The following LRRC4C variants were observed in gnomAD, a reference collection of about 807,000 sequenced individuals.
LRRC4C encodes the protein leucine rich repeat containing 4C.
Under a neutral mutation model 33.6 loss-of-function variants are expected in LRRC4C, and 5 were observed. That is an observed-to-expected ratio of 0.15 (90% CI 0.08 to 0.31). LRRC4C has a LOEUF of 0.31. Among genes scored for constraint, LRRC4C ranks in the 10% least tolerant of loss-of-function variants. The probability of loss-of-function intolerance (pLI) is 1.00; values close to 1 mark genes in which losing one functional copy is unlikely to be tolerated. For synonymous variants in LRRC4C, 329 were observed against 302.0 expected (o/e 1.09, Z -0.93); for missense variants, 560 against 796.7 (o/e 0.70, Z 3.58).
At chr11:40,263,289 C>A (rs1391689801) in intron 4 of LRRC4C, among the ~76,000 whole-genome samples, 35 of 152,176 alleles carry the variant, frequency 2.3e-4, no homozygotes, top group East Asian at 3.9e-4. Context: ...AACAGTGTGA[C>A]AGAGTTGCCT....
chr11:40,746,203 C>A (rs888203559), intron 2 of LRRC4C, among the ~76,000 whole-genome samples: 3 of 152,248 alleles, frequency 2.0e-5, no homozygotes, highest in East Asian at 1.9e-4. Flanking sequence ...AGTCCTCAAC[C>A]TTTGCAGGCC....
chr11:40,850,628 A>AGTCT (rs1221048022), intron 2 of LRRC4C, among the ~76,000 whole-genome samples: 3 of 152,204 alleles, frequency 2.0e-5, no homozygotes, highest in Non-Finnish European at 4.4e-5. Context: ...GGAGGCAGGC[A>AGTCT]GTCTGTCCCT....
chr11:40,310,759 G>T (rs548910350), intron 4 of LRRC4C, among the ~76,000 whole-genome samples: 1 of 152,218 alleles, frequency 6.6e-6, no homozygotes, highest in Non-Finnish European at 1.5e-5. Context: ...ACTGTATGCT[G>T]GTTTGATTTA....
chr11:40,391,881 T>C (rs1444299606), intron 3 of LRRC4C, among the ~76,000 whole-genome samples: 2 of 152,154 alleles, frequency 1.3e-5, no homozygotes, highest in African/African-American at 4.8e-5. Flanking sequence ...TTGCCTAAAA[T>C]TGGAAACAAT....
At chr11:41,417,978 G>GTA (rs553573069) in intron 1 of LRRC4C, among the ~76,000 whole-genome samples, 11 of 149,866 alleles carry the variant, frequency 7.3e-5, no homozygotes, top group African/African-American at 1.2e-4. Context: ...ATATATACGT[G>GTA]TATATATATA....
chr11:40,709,165 C>T (rs1946333405), intron 2 of LRRC4C, among the ~76,000 whole-genome samples: 1 of 152,128 alleles, frequency 6.6e-6, no homozygotes, highest in Non-Finnish European at 1.5e-5. Flanking sequence ...TCCAATTTGC[C>T]AGTCTGTGTC....
intron 3 of LRRC4C, among the ~76,000 whole-genome samples, chr11:40,458,512 C>A (rs2138158947): frequency 6.6e-6 from 1 of 152,254 alleles, no homozygotes; most frequent in East Asian, 1.9e-4. Context: ...AACCATTCAC[C>A]ATTTCTTCTT....
chr11:40,452,924 C>T (rs1052941190), intron 3 of LRRC4C, among the ~76,000 whole-genome samples: 6 of 151,838 alleles, frequency 4.0e-5, no homozygotes, highest in East Asian at 1.9e-4. Flanking sequence ...AGCAAACTAT[C>T]GCAAGGATAA....
At chr11:40,901,123 C>T (rs73472701) in intron 2 of LRRC4C, among the ~76,000 whole-genome samples, 15,712 of 151,968 alleles carry the variant, frequency 0.1, 1,503 homozygotes, top group African/African-American at 0.25. Context: ...CATTGAAATA[C>T]GGTACACATT....
intron 2 of LRRC4C, among the ~76,000 whole-genome samples, chr11:40,829,159 G>A (rs1220532364): frequency 6.6e-6 from 1 of 151,942 alleles, no homozygotes; most frequent in East Asian, 1.9e-4. Flanking sequence ...CTGCTTTGAT[G>A]CAGATAGCTT....
intron 1 of LRRC4C, among the ~76,000 whole-genome samples, chr11:41,331,703 G>C (rs1342666209): frequency 1.3e-5 from 2 of 152,056 alleles, no homozygotes; most frequent in Non-Finnish European, 2.9e-5. Flanking sequence ...TACAGTTGTG[G>C]GGTTTAGGCA....
chr11:40,878,463 T>C (rs986276644), intron 2 of LRRC4C, among the ~76,000 whole-genome samples: 1 of 152,174 alleles, frequency 6.6e-6, no homozygotes, highest in Non-Finnish European at 1.5e-5. Context: ...TAGATTCTCA[T>C]AAGGAGCATA....
rs530003573 is a variant in LRRC4C at position 41,051,520 on chromosome 11, CAAAAAAAAAAAAAAAAA to C, written c.-495-117814_-495-117798del. Among the ~76,000 whole-genome samples, 29 of 60,292 alleles carry C rather than the reference CAAAAAAAAAAAAAAAAA, an allele frequency of 4.8e-4. 1 individual carries two copies. The East Asian group carries it at 8.9e-3, about 19-fold the overall frequency. The allele number at this position is 60,292 out of a possible 152,430, so 39.6% of individuals were successfully genotyped here. A position where few individuals can be genotyped will look rare whatever the true frequency, so the allele number is the denominator to read the frequency against. On this transcript the variant is annotated intron_variant, in intron 1 of 6. Coordinates refer to ENST00000528697, the MANE Select transcript of LRRC4C (RefSeq NM_001258419.2). ...CTCAGTCCCTCCCAGGGTCTCAAGG[CAAAAAAAAAAAAAAAAA>C]AAAAAAAAAAAAAAAAGGAAAAATT... is the stretch of plus-strand genomic sequence containing the variant.
intron 3 of LRRC4C, among the ~76,000 whole-genome samples, chr11:40,488,867 A>G (rs1456305703): frequency 6.6e-6 from 1 of 151,886 alleles, no homozygotes. Flanking sequence ...TCTGTTTTTA[A>G]TTTTCCCCAG....
At chr11:40,222,383 A>C (rs147234380) in intron 5 of LRRC4C, among the ~76,000 whole-genome samples, 1 of 152,214 alleles carries the variant, frequency 6.6e-6, no homozygotes, top group Non-Finnish European at 1.5e-5. Flanking sequence ...AGTAAGAGTT[A>C]GCTACTATTA....
chr11:40,887,181 T>G (rs1955506981), intron 2 of LRRC4C, among the ~76,000 whole-genome samples: 1 of 147,600 alleles, frequency 6.8e-6, no homozygotes, highest in Non-Finnish European at 1.5e-5. Context: ...AAAACCTCCT[T>G]TACAAAAGTC....
At chr11:41,103,860 G>A (rs1262578793) in intron 1 of LRRC4C, among the ~76,000 whole-genome samples, 1 of 151,948 alleles carries the variant, frequency 6.6e-6, no homozygotes, top group Non-Finnish European at 1.5e-5. Context: ...TGAGAAAGGT[G>A]CTAAGGCAAT....
intron 1 of LRRC4C, among the ~76,000 whole-genome samples, chr11:41,325,897 TA>T (rs1336721899): frequency 1.3e-5 from 2 of 152,088 alleles, no homozygotes; most frequent in Non-Finnish European, 2.9e-5. Context: ...GCAGAAAAGA[TA>T]ACTATTAGGT....
chr11:40,284,965 A>C (rs149459994), intron 4 of LRRC4C, among the ~76,000 whole-genome samples: 60 of 152,234 alleles, frequency 3.9e-4, no homozygotes, highest in African/African-American at 1.4e-3. Flanking sequence ...TGGTACTATC[A>C]GTGGTTTCGG....
Sources: gnomAD v4.1 joint callset for allele counts (sites outside exome capture counted in the v4.1 genomes callset) on GRCh38, gnomAD v4.1.1 for gene constraint, MANE v1.5 for transcripts, NCBI Gene and HGNC (gene_info 2026-07-23, HGNC 2026-07-21) for gene names.